GATB: variants seen among roughly 807,000 people sequenced by gnomAD.
GATB encodes glutamyl-tRNA amidotransferase subunit B.
GATB carries 39 observed loss-of-function variants against 62.3 expected under a neutral mutation model. The ratio of observed to expected loss-of-function variants is 0.63; its 90% CI spans 0.48 to 0.82. The LOEUF (loss-of-function observed/expected upper bound fraction) is 0.82. GATB is among the 40% of genes least tolerant of loss of function. The pLI is 0.00. For missense variants in GATB, 670 were observed against 684.0 expected, an observed-to-expected ratio of 0.98 and a Z score of 0.23; for synonymous variants, 276 against 258.9, an observed-to-expected ratio of 1.07 and a Z score of -0.63.
At chr4:151,727,159 G>A (rs1366641086) in intron 2 of GATB, among the ~76,000 whole-genome samples, 3 of 152,152 alleles carry the variant, frequency 2.0e-5, no homozygotes, top group Non-Finnish European at 2.9e-5. Context: ...GGGCTCAAGC[G>A]GTGTGCCCGC....
intron 2 of GATB, among the ~76,000 whole-genome samples, chr4:151,749,942 C>T (rs1274706490): frequency 4.6e-5 from 7 of 151,852 alleles, no homozygotes; most frequent in African/African-American, 7.3e-5. Flanking sequence ...AGTGCAGTGG[C>T]GCTATCTCGG....
At chr4:151,757,872 A>G (rs537728029) in intron 2 of GATB, among the ~76,000 whole-genome samples, 2 of 152,196 alleles carry the variant, frequency 1.3e-5, no homozygotes, top group Non-Finnish European at 2.9e-5. Context: ...CCATGGATAC[A>G]CATTTCCTCC....
intron 2 of GATB, among the ~76,000 whole-genome samples, chr4:151,752,729 T>C (rs900503196): frequency 6.6e-6 from 1 of 152,362 alleles, no homozygotes. Context: ...CTGTGCATTA[T>C]CTATAGCCTC....
chr4:151,731,559 T>A (rs1463535956), intron 2 of GATB, among the ~76,000 whole-genome samples: 1 of 151,642 alleles, frequency 6.6e-6, no homozygotes, highest in African/African-American at 2.4e-5. Flanking sequence ...GTGAGGAGCA[T>A]CTCTGCCTGG....
At chr4:151,704,490 G>C (rs1245984376) in intron 7 of GATB, among the ~76,000 whole-genome samples, 1 of 151,368 alleles carries the variant, frequency 6.6e-6, no homozygotes, top group Non-Finnish European at 1.5e-5. Context: ...GTCTTGCTCT[G>C]TCGCCCAGGC....
intron 2 of GATB, among the ~76,000 whole-genome samples, chr4:151,731,894 C>T (rs1168330287): frequency 2.0e-5 from 3 of 150,608 alleles, no homozygotes; most frequent in African/African-American, 7.4e-5. Context: ...ACCCAGCAGC[C>T]GCCCCATCCG....
At position 151,760,894 on chromosome 4, in the gene GATB, G is replaced by C; in HGVS notation, c.89C>G (p.Ala30Gly). Residue 30 changes from alanine to glycine, a missense_variant, in exon 1 of 13, where the codon GCT (alanine) becomes GGT (glycine). Transcript: ENST00000263985. ...CTGGTTGGATGTGGACCCAGTCGGA[G>C]CCCCTCTTCGGTGGCAAGAACCACC... The part of the protein sequence containing the change: ...VDGGSCHRRG[A>G]PTGSTSNQIR... 1.2e-6 allele frequency: 2 copies of C among 1,613,918 alleles called. No individual in the cohort carries two copies. Among genetic ancestry groups the C allele is most frequent in the Non-Finnish European group, 8.5e-7 (1 of 1,179,914 alleles).
At chr4:151,687,513 T>C (rs751475110) in intron 10 of GATB, among the ~76,000 whole-genome samples, 5 of 152,232 alleles carry the variant, frequency 3.3e-5, no homozygotes, top group African/African-American at 4.8e-5. Context: ...GCCTGGGGCA[T>C]TTCTCATCCG....
At chr4:151,731,619 T>C (rs986543888) in intron 2 of GATB, among the ~76,000 whole-genome samples, 2 of 151,454 alleles carry the variant, frequency 1.3e-5, no homozygotes, top group Non-Finnish European at 2.9e-5. Context: ...CTGCCCAGTC[T>C]GGGAAGTGAG....
At chr4:151,717,471 C>A in intron 3 of GATB, 1 of 193,644 alleles carries the variant, frequency 5.2e-6, no homozygotes, top group South Asian at 1.0e-4. Flanking sequence ...TCCTGGCAGA[C>A]CCTCCTTATT....
chr4:151,682,245 G>C (rs1403423224), intron 10 of GATB, among the ~76,000 whole-genome samples: 1 of 152,184 alleles, frequency 6.6e-6, no homozygotes, highest in Non-Finnish European at 1.5e-5. Flanking sequence ...TGTGTCACAG[G>C]CTTCCTCACA....
intron 10 of GATB, among the ~76,000 whole-genome samples, chr4:151,688,196 C>T (rs1738290745): frequency 6.6e-6 from 1 of 152,160 alleles, no homozygotes; most frequent in Non-Finnish European, 1.5e-5. Flanking sequence ...CCTAATGCTT[C>T]AGGGCATGGC....
chr4:151,672,615 TA>T, intron 12 of GATB, 146 bp downstream of exon 12: 1 of 790,996 alleles, frequency 1.3e-6, no homozygotes, highest in Non-Finnish European at 2.0e-6. Flanking sequence ...TGACCTTAAC[TA>T]AAAAGATGAC....
At chr4:151,760,052 A>G (rs1237178501) in intron 1 of GATB, among the ~76,000 whole-genome samples, 1 of 152,246 alleles carries the variant, frequency 6.6e-6, no homozygotes, top group African/African-American at 2.4e-5. Flanking sequence ...TAATTCACGA[A>G]AAGAATACAA....
intron 2 of GATB, among the ~76,000 whole-genome samples, chr4:151,738,375 T>G (rs1379699431): frequency 6.6e-6 from 1 of 152,182 alleles, no homozygotes; most frequent in Non-Finnish European, 1.5e-5. Flanking sequence ...TCTCACGAGA[T>G]CTGATGGTTT....
At chr4:151,674,522 C>T (rs1026688647) in intron 11 of GATB, 3 of 152,158 alleles carry the variant, frequency 2.0e-5, no homozygotes, top group African/African-American at 7.2e-5. Context: ...AAGAGATCAC[C>T]GGAATTCCCA....
At chr4:151,681,447 TA>T (rs35196112) in intron 10 of GATB, among the ~76,000 whole-genome samples, 90,738 of 151,992 alleles carry the variant, frequency 0.6, 29,631 homozygotes, top group African/African-American at 0.88. Context: ...CTAAACAAAC[TA>T]AAAAAACCTA....
intron 10 of GATB, among the ~76,000 whole-genome samples, chr4:151,684,270 C>T (rs1425988420): frequency 6.6e-6 from 1 of 152,222 alleles, no homozygotes; most frequent in African/African-American, 2.4e-5. Flanking sequence ...CTAATTTTAC[C>T]ACAAAATGCT....
intron 1 of GATB, 33 bp from the exon 2 acceptor site, chr4:151,758,955 T>A (rs750017699): frequency 6.7e-7 from 1 of 1,491,206 alleles, no homozygotes; most frequent in African/African-American, 1.4e-5. Context: ...TAAGATGTAT[T>A]ATATTTGTCA....
Sources: allele counts gnomAD v4.1 joint callset (sites outside exome capture counted in the v4.1 genomes callset), GRCh38; gene constraint gnomAD v4.1.1; transcripts MANE v1.5; gene names NCBI Gene and HGNC (gene_info 2026-07-23, HGNC 2026-07-21).